Variants in ARFGEF3 observed in about 807,000 individuals in gnomAD.
The protein encoded by ARFGEF3 is ARFGEF family member 3, also known as brefeldin A-inhibited guanine nucleotide-exchange protein 3.
A neutral mutation model predicts 221.7 loss-of-function variants in ARFGEF3; 96 were observed. The ratio of observed to expected loss-of-function variants is 0.43; its 90% CI spans 0.37 to 0.51. The LOEUF (loss-of-function observed/expected upper bound fraction) is 0.51. ARFGEF3 is among the 20% of genes least tolerant of loss of function. The probability of loss-of-function intolerance (pLI) is 0.00; values close to 1 mark genes in which losing one functional copy is unlikely to be tolerated. For synonymous variants in ARFGEF3, 1,145 were observed against 1,126.8 expected (o/e 1.02, Z -0.32); for missense variants, 2,410 against 2,789.9 (o/e 0.86, Z 3.07).
chr6:138,196,576 A>G (rs1777427564), intron 2 of ARFGEF3, among the ~76,000 whole-genome samples: 1 of 152,228 alleles, frequency 6.6e-6, no homozygotes, highest in Admixed American at 6.5e-5. Context: ...GTGAATGGGA[A>G]TGCTGAGGAC....
intron 5 of ARFGEF3, among the ~76,000 whole-genome samples, chr6:138,235,852 A>G (rs1231073246): frequency 1.3e-5 from 2 of 152,028 alleles, no homozygotes; most frequent in Admixed American, 6.6e-5. Context: ...CAGTCTTTAC[A>G]CTCCCAACTT....
At chr6:138,217,132 A>C (rs1008213204) in intron 4 of ARFGEF3, 1 of 152,098 alleles carries the variant, frequency 6.6e-6, no homozygotes, top group Non-Finnish European at 1.5e-5. Flanking sequence ...TGAGATGGAG[A>C]TTTTCATATT....
chr6:138,278,699 G>GCACAGCCTAGCCTCA lies in ARFGEF3; in HGVS notation c.2295+82_2295+83insCACAGCCTAGCCTCA, dbSNP rs1435798567. The GCACAGCCTAGCCTCA allele has an allele frequency of 9.6e-5, 140 of 1,457,826 alleles. No homozygotes were observed. In the African/African-American group the frequency reaches 1.8e-3, roughly 19 times the overall value. 90.3% of individuals were successfully genotyped at this position (1,457,826 alleles called of 1,614,324 possible). Reference sequence around the variant, plus strand: ...ACAGCCTAGCCTCAGTGCCCTGAGTGGGATGGCACAGCGTGTTTTGTTCCA... The same window carrying GCACAGCCTAGCCTCA: ...ACAGCCTAGCCTCAGTGCCCTGAGTGCACAGCCTAGCCTCAGGATGGCACAGCGTGTTTTGTTCCA... On this transcript the variant is annotated intron_variant, in intron 13 of 33. Coordinates refer to ENST00000251691, the MANE Select transcript of ARFGEF3 (RefSeq NM_020340.5).
At chr6:138,306,319 C>A (rs1415122769) in intron 22 of ARFGEF3, among the ~76,000 whole-genome samples, 1 of 152,040 alleles carries the variant, frequency 6.6e-6, no homozygotes, top group African/African-American at 2.4e-5. Context: ...AAAGAAGATT[C>A]AAATAAATAT....
At chr6:138,252,963 T>C (rs1219262042) in intron 8 of ARFGEF3, among the ~76,000 whole-genome samples, 1 of 152,230 alleles carries the variant, frequency 6.6e-6, no homozygotes, top group Non-Finnish European at 1.5e-5. Context: ...GTTCTCTTCA[T>C]CTGGCTCTGT....
chr6:138,308,931 GA>G (rs1779776223), intron 24 of ARFGEF3, 70 bp downstream of exon 24: 1 of 1,579,722 alleles, frequency 6.3e-7, no homozygotes, highest in Non-Finnish European at 8.7e-7. Context: ...TGTGGCTGGA[GA>G]CAGGGCCTAC....
Position 138,263,479 on chromosome 6 carries a change from C to A in ARFGEF3, c.1996C>A (p.Gln666Lys), listed in dbSNP as rs1443311948. Residue 666 changes from glutamine (Q) to lysine (K), a missense_variant, in exon 12 of 34, where the codon CAG (glutamine) becomes AAG (lysine). Around this residue, in one of 5 missense-constraint regions of ARFGEF3, gnomAD observed 594 missense variants for 734.3 expected, o/e 0.81. Coordinates refer to ENST00000251691, the MANE Select transcript of ARFGEF3 (RefSeq NM_020340.5). ...CCTGTCTCTAAAACTGCTGAAGAAC[C>A]AGGAGGCGGATCAGCACAGCGCCAG... ...AALSLKLLKN[Q>K]EADQHSARLF... 1.9e-6 allele frequency: 3 copies of A among 1,613,930 alleles called. No individual in the cohort carries two copies. Among genetic ancestry groups the A allele is most frequent in the African/African-American group, 2.7e-5 (2 of 75,050 alleles).
intron 2 of ARFGEF3, among the ~76,000 whole-genome samples, chr6:138,190,333 A>G (rs1202096322): frequency 1.3e-5 from 2 of 151,908 alleles, no homozygotes; most frequent in Non-Finnish European, 2.9e-5. Flanking sequence ...GGCTCTGGGA[A>G]TGCTAACAGG....
rs186375686 is a variant in ARFGEF3 at position 138,271,126 on chromosome 6, G to A, written c.2129-7325G>A. On this transcript the variant is annotated intron_variant, in intron 12 of 33. Transcript: ENST00000251691. ...GAGGAAGAGAAGTATTCTAGAAGCA[G>A]GAATGGAGAATAAGTAGTCTAACAA... Among the ~76,000 whole-genome samples the A allele has an allele frequency of 6.2e-4, 95 of 152,244 alleles. 1 individual carries two copies. The highest frequency in any genetic ancestry group is 2.2e-3 in the African/African-American group (92 of 41,544).
rs780614006 is a variant in ARFGEF3 at position 138,334,910 on chromosome 6, A to C, written c.6064A>C (p.Ile2022Leu). The change falls in exon 33 of 34, where the codon ATT (isoleucine) becomes CTT (leucine). Residue 2022 changes from isoleucine (I) to leucine (L), a missense_variant. Physicochemically the swap from Ile to Leu is conservative, Grantham distance 5. Coordinates refer to ENST00000251691, the MANE Select transcript of ARFGEF3 (RefSeq NM_020340.5). This position sits in a 1 kb window ranked among gnomAD's most constrained non-coding sequence, Gnocchi z 5.1. Reference protein sequence around the residue: ...KIYTMAADKTISKLMTEYKKR... With the variant: ...KIYTMAADKTLSKLMTEYKKR... ...CTACACCATGGCAGCCGACAAGACCATTTCAAAGTTGATGACCGAATACAA... is the reference window on the plus strand; with the variant it reads ...CTACACCATGGCAGCCGACAAGACCCTTTCAAAGTTGATGACCGAATACAA... 10 of 1,591,290 alleles carry C rather than the reference A, an allele frequency of 6.3e-6. No homozygotes were observed. Among genetic ancestry groups the C allele is most frequent in the Non-Finnish European group, 8.5e-7 (1 of 1,169,682 alleles).
chr6:138,214,900 A>G (rs934692450), intron 4 of ARFGEF3, among the ~76,000 whole-genome samples: 3 of 152,212 alleles, frequency 2.0e-5, no homozygotes, highest in Non-Finnish European at 2.9e-5. Context: ...AGAAAAGGCA[A>G]GTTTGATTTA....
intron 2 of ARFGEF3, among the ~76,000 whole-genome samples, chr6:138,175,751 G>C (rs1776932529): frequency 6.6e-6 from 1 of 152,180 alleles, no homozygotes; most frequent in African/African-American, 2.4e-5. Flanking sequence ...GTAAATGTCT[G>C]TTAGGTCCAT....
At chr6:138,234,171 T>C (rs1778243016) in intron 5 of ARFGEF3, among the ~76,000 whole-genome samples, 1 of 152,208 alleles carries the variant, frequency 6.6e-6, no homozygotes, top group South Asian at 2.1e-4. Context: ...GACCAGTGTC[T>C]CTGCTTCAGT....
chr6:138,265,453 A>AT (rs1482116864), intron 12 of ARFGEF3, among the ~76,000 whole-genome samples: 1 of 151,938 alleles, frequency 6.6e-6, no homozygotes, highest in Non-Finnish European at 1.5e-5. Flanking sequence ...CAAATTTTGG[A>AT]TTTTTTTATT....
chr6:138,228,163 A>G (rs1187164295), intron 4 of ARFGEF3, among the ~76,000 whole-genome samples: 4 of 146,920 alleles, frequency 2.7e-5, no homozygotes, highest in Non-Finnish European at 5.9e-5. Context: ...TCGCCATGGC[A>G]CTGAGACAAT....
At chr6:138,238,478 C>T in intron 5 of ARFGEF3, 31 bp from the exon 6 acceptor site, 1 of 1,605,502 alleles carries the variant, frequency 6.2e-7, no homozygotes, top group Non-Finnish European at 8.5e-7. Context: ...TACCTGCAGA[C>T]ATGTGTGTTG....
At chr6:138,246,315 G>A (rs544193251) in intron 8 of ARFGEF3, among the ~76,000 whole-genome samples, 1 of 152,170 alleles carries the variant, frequency 6.6e-6, no homozygotes, top group African/African-American at 2.4e-5. Flanking sequence ...AGTGTCCTTT[G>A]AATCATGAAA....
At chr6:138,264,165 C>T (rs1029428324) in intron 12 of ARFGEF3, among the ~76,000 whole-genome samples, 4 of 151,950 alleles carry the variant, frequency 2.6e-5, no homozygotes, top group Non-Finnish European at 4.4e-5. Context: ...TGACTCAGAC[C>T]GTAAACAGTG....
chr6:138,187,658 C>T (rs760743518), intron 2 of ARFGEF3, among the ~76,000 whole-genome samples: 1 of 152,188 alleles, frequency 6.6e-6, no homozygotes, highest in Non-Finnish European at 1.5e-5. Flanking sequence ...TGTTTCTCTC[C>T]CAGGTTGGTT....
Sources: gnomAD v4.1 joint callset for allele counts (sites outside exome capture counted in the v4.1 genomes callset) on GRCh38, gnomAD v4.1.1 for gene constraint, gnomAD v4.1.1 regional missense constraint, Gnocchi (gnomAD v3.1) non-coding constraint, MANE v1.5 for transcripts, NCBI Gene and HGNC (gene_info 2026-07-23, HGNC 2026-07-21) for gene names.